The following FSTL5 variants were observed in gnomAD, a reference collection of about 807,000 sequenced individuals.
The protein encoded by FSTL5 is follistatin-related protein 5.
Under a neutral mutation model 89.1 loss-of-function variants are expected in FSTL5, and 62 were observed. The observed-to-expected ratio is 0.70, with a 90% CI of 0.57 to 0.86. The LOEUF is 0.86. Ranked by LOEUF, FSTL5 falls within the 40% of genes least tolerant of loss-of-function variation. The probability of loss-of-function intolerance (pLI) is 0.00; values close to 1 mark genes in which losing one functional copy is unlikely to be tolerated. For synonymous variants in FSTL5, 383 were observed against 346.2 expected (o/e 1.11, Z -1.18); for missense variants, 1,057 against 1,001.6 (o/e 1.06, Z -0.75).
At chr4:161,386,583 T>C in intron 15 of FSTL5, 134 bp from the exon 16 acceptor site, 1 of 620,568 alleles carries the variant, frequency 1.6e-6, no homozygotes, top group Non-Finnish European at 2.8e-6. Context: ...GTTACAATTG[T>C]GCTAGAATTA....
chr4:161,506,677 G>T, intron 11 of FSTL5, among the ~76,000 whole-genome samples: 1 of 152,112 alleles, frequency 6.6e-6, no homozygotes, highest in East Asian at 1.9e-4. Context: ...TGTGGGTAAT[G>T]AAATTTTAAA....
intron 13 of FSTL5, among the ~76,000 whole-genome samples, chr4:161,464,574 G>T (rs1242570861): frequency 6.6e-6 from 1 of 151,996 alleles, no homozygotes; most frequent in East Asian, 1.9e-4. Context: ...CTTATTGTCT[G>T]CCTCATCTAA....
intron 6 of FSTL5, among the ~76,000 whole-genome samples, chr4:161,749,886 T>A (rs1313062958): frequency 6.6e-6 from 1 of 151,456 alleles, no homozygotes; most frequent in African/African-American, 2.4e-5. Flanking sequence ...GGAGTGAGAG[T>A]TGAAAAATTA....
At chr4:161,555,139 G>A (rs1732346232) in intron 8 of FSTL5, among the ~76,000 whole-genome samples, 1 of 151,488 alleles carries the variant, frequency 6.6e-6, no homozygotes, top group South Asian at 2.1e-4. Context: ...ATAAACTTCG[G>A]TGAGTTTTTT....
intron 1 of FSTL5, among the ~76,000 whole-genome samples, chr4:162,130,040 T>C (rs958986): frequency 1 from 152,157 of 152,334 alleles, 75,992 homozygotes; most frequent in East Asian, 1. Context: ...AAAGTCCACA[T>C]AGATATTGAG....
At chr4:161,836,952 A>G (rs1731063408) in intron 4 of FSTL5, among the ~76,000 whole-genome samples, 2 of 152,088 alleles carry the variant, frequency 1.3e-5, no homozygotes, top group South Asian at 2.1e-4. Context: ...TGAAATGGTA[A>G]TGAGTCGGGC....
At chr4:162,001,700 T>C (rs1220159665) in intron 3 of FSTL5, among the ~76,000 whole-genome samples, 2 of 152,050 alleles carry the variant, frequency 1.3e-5, no homozygotes, top group Admixed American at 1.3e-4. Flanking sequence ...TAACAAATGA[T>C]AATGTTATTA....
intron 4 of FSTL5, among the ~76,000 whole-genome samples, chr4:161,782,730 A>G (rs961448778): frequency 3.9e-5 from 6 of 152,202 alleles, no homozygotes; most frequent in Non-Finnish European, 5.9e-5. Flanking sequence ...ACACTTTGCT[A>G]CTTAAGATAT....
intron 7 of FSTL5, among the ~76,000 whole-genome samples, chr4:161,602,033 A>T (rs1033666416): frequency 6.6e-6 from 1 of 152,128 alleles, no homozygotes; most frequent in Admixed American, 6.5e-5. Context: ...AAGTAGATTT[A>T]AAATAACTAT....
intron 13 of FSTL5, among the ~76,000 whole-genome samples, chr4:161,461,300 ACAAAC>A (rs1733569644): frequency 8.4e-5 from 12 of 142,194 alleles, no homozygotes; most frequent in East Asian, 2.0e-4. Context: ...AAAAAAACAA[ACAAAC>A]AAAAAAATTA....
intron 4 of FSTL5, among the ~76,000 whole-genome samples, chr4:161,905,501 G>A (rs1733496597): frequency 6.6e-6 from 1 of 151,626 alleles, no homozygotes; most frequent in African/African-American, 2.4e-5. Context: ...CAGATTTTGT[G>A]AGTATGTGCT....
intron 6 of FSTL5, among the ~76,000 whole-genome samples, chr4:161,687,613 G>A (rs1015986501): frequency 6.6e-6 from 1 of 152,066 alleles, no homozygotes; most frequent in Non-Finnish European, 1.5e-5. Flanking sequence ...AATGCACTAA[G>A]CTGGAAGGTC....
chr4:162,121,250 T>A (rs1731848019), intron 1 of FSTL5, among the ~76,000 whole-genome samples: 1 of 140,124 alleles, frequency 7.1e-6, no homozygotes, highest in African/African-American at 2.6e-5. Flanking sequence ...TACTAAAACT[T>A]AGCCAAGGAA....
intron 8 of FSTL5, among the ~76,000 whole-genome samples, chr4:161,577,918 G>A (rs1388568738): frequency 2.0e-5 from 3 of 152,044 alleles, no homozygotes; most frequent in African/African-American, 4.8e-5. Flanking sequence ...CTGCATATCA[G>A]AAGGAGAGTG....
At chr4:162,031,230 G>A (rs1737508294) in intron 3 of FSTL5, among the ~76,000 whole-genome samples, 1 of 152,106 alleles carries the variant, frequency 6.6e-6, no homozygotes, top group South Asian at 2.1e-4. Context: ...GGCACAGAAT[G>A]CAGAAAATAA....
chr4:161,565,742 GACACACACACACACAC>G (rs145835055), intron 8 of FSTL5, among the ~76,000 whole-genome samples: 1 of 133,666 alleles, frequency 7.5e-6, no homozygotes, highest in East Asian at 2.3e-4. Context: ...TATAACTTGA[GACACACACACACACAC>G]ACACACACAC....
At chr4:161,571,555 A>G (rs1733011656) in intron 8 of FSTL5, among the ~76,000 whole-genome samples, 1 of 152,202 alleles carries the variant, frequency 6.6e-6, no homozygotes, top group Admixed American at 6.5e-5. Flanking sequence ...ATAGAGCATT[A>G]GAAGGAGGGG....
intron 10 of FSTL5, among the ~76,000 whole-genome samples, chr4:161,522,469 TA>T (rs1175164536): frequency 1.3e-5 from 2 of 152,144 alleles, no homozygotes; most frequent in East Asian, 3.9e-4. Context: ...CCGTATTATA[TA>T]ATGTTGATAA....
At chr4:161,678,000 A>T (rs1579014326) in intron 6 of FSTL5, among the ~76,000 whole-genome samples, 1 of 151,964 alleles carries the variant, frequency 6.6e-6, no homozygotes, top group East Asian at 1.9e-4. Flanking sequence ...TTAATTAAAA[A>T]TATTAACCCC....
Sources: gnomAD v4.1 joint callset for allele counts (sites outside exome capture counted in the v4.1 genomes callset) on GRCh38, gnomAD v4.1.1 for gene constraint, MANE v1.5 for transcripts, NCBI Gene and HGNC (gene_info 2026-07-23, HGNC 2026-07-21) for gene names.